The following MIER3 variants were observed in gnomAD, a reference collection of about 807,000 sequenced individuals.
The protein encoded by MIER3 is MIER family member 3.
MIER3 carries 9 observed loss-of-function variants against 63.2 expected under a neutral mutation model. That is an observed-to-expected ratio of 0.14 (90% CI 0.09 to 0.25). The LOEUF (loss-of-function observed/expected upper bound fraction) is 0.25. Ranked by LOEUF, MIER3 falls within the 10% of genes least tolerant of loss-of-function variation. MIER3 has a pLI of 1.00. For missense variants in MIER3, 512 were observed against 666.2 expected, an observed-to-expected ratio of 0.77 and a Z score of 2.55; for synonymous variants, 205 against 224.9, an observed-to-expected ratio of 0.91 and a Z score of 0.79.
At chr5:56,924,728 T>C (rs1308652140) in intron 10 of MIER3, among the ~76,000 whole-genome samples, 1 of 152,168 alleles carries the variant, frequency 6.6e-6, no homozygotes, top group African/African-American at 2.4e-5. Flanking sequence ...AGGGTTCCTC[T>C]AACCACATAC....
At chr5:56,950,540 C>A (rs944721151) in intron 2 of MIER3, 88 bp downstream of exon 2, 1 of 1,365,254 alleles carries the variant, frequency 7.3e-7, no homozygotes, top group Non-Finnish European at 1.0e-6. Flanking sequence ...CTGCAGGATA[C>A]ATTTCTATTG....
At chr5:56,951,505 G>A (rs533220912) in intron 1 of MIER3, among the ~76,000 whole-genome samples, 111 of 152,268 alleles carry the variant, frequency 7.3e-4, no homozygotes, top group African/African-American at 2.3e-3. Flanking sequence ...CGCACCTCCC[G>A]GGCTGCGGGG....
At chr5:56,926,733 G>T (rs1266172256) in intron 10 of MIER3, among the ~76,000 whole-genome samples, 1 of 152,062 alleles carries the variant, frequency 6.6e-6, no homozygotes, top group Non-Finnish European at 1.5e-5. Context: ...TTGGACAAAT[G>T]AATTGAAAAC....
chr5:56,938,846 C>T (rs1750541839), intron 4 of MIER3, 37 bp downstream of exon 4: 1 of 1,601,410 alleles, frequency 6.2e-7, no homozygotes, highest in Non-Finnish European at 8.5e-7. Context: ...TCAATGGTAA[C>T]AGACCCTGAA....
intron 12 of MIER3, 43 bp from the exon 13 acceptor site, chr5:56,923,628 C>T (rs747700102): frequency 6.8e-6 from 11 of 1,612,720 alleles, no homozygotes; most frequent in Middle Eastern, 3.3e-4. Context: ...GGTCCTATGA[C>T]ATCAAACAGA....
chr5:56,926,931 CA>C (rs1014295300), intron 10 of MIER3, among the ~76,000 whole-genome samples: 13 of 151,918 alleles, frequency 8.6e-5, no homozygotes, highest in African/African-American at 3.1e-4. Context: ...CACAAACAAA[CA>C]AAAAACCCCA....
chr5:56,922,642 C>T lies in MIER3; in HGVS notation c.*486G>A, dbSNP rs1369904295. ...AGAAAATAAAACCAAAAAAATGCTA[C>T]ATTGAGCAGGGATCGGGATCGGTAC... On this transcript the variant is annotated 3_prime_UTR_variant, in exon 13 of 13. Coordinates refer to ENST00000381199, the MANE Select transcript of MIER3 (RefSeq NM_001297599.2). 6.5e-6 allele frequency: 1 copy of T among 154,942 alleles called. No homozygotes were observed. Among genetic ancestry groups the T allele is most frequent in the Non-Finnish European group, 1.4e-5 (1 of 69,574 alleles). The allele number at this position is 154,942 out of a possible 1,614,324, so 9.6% of individuals were successfully genotyped here.
intron 10 of MIER3, 44 bp from the exon 11 acceptor site, chr5:56,924,086 AT>A: frequency 6.3e-7 from 1 of 1,584,880 alleles, no homozygotes; most frequent in South Asian, 1.2e-5. Context: ...AAACTCAACC[AT>A]TTTTTTAAGC....
At chr5:56,928,742 A>G (rs369897045) in intron 10 of MIER3, 25 bp downstream of exon 10, 1 of 1,506,998 alleles carries the variant, frequency 6.6e-7, no homozygotes, top group Non-Finnish European at 9.1e-7. Flanking sequence ...CTAGTAATTT[A>G]TCTGTACTAA....
Position 56,935,538 on chromosome 5 carries a change from A to C in MIER3, c.523-38T>G, listed in dbSNP as rs778219147. On this transcript the variant is annotated intron_variant, in intron 6 of 12. Transcript: ENST00000381199. ...TGAGAGGTAAAAATAACTTATTAAA[A>C]AAAAAATACTGAAAAAAAGCCCCAT... 37 of 1,539,622 alleles carry C rather than the reference A, an allele frequency of 2.4e-5. No homozygotes were observed. The African/African-American group carries it at 4.7e-4, about 20-fold the overall frequency.
At chr5:56,938,805 T>G in intron 4 of MIER3, 78 bp downstream of exon 4, 1 of 1,512,988 alleles carries the variant, frequency 6.6e-7, no homozygotes, top group Non-Finnish European at 8.9e-7. Context: ...TAAGAATTAT[T>G]AAATAATACT....
Position 56,935,585 on chromosome 5 carries a change from G to C in MIER3, c.522+81C>G, listed in dbSNP as rs973114225. On this transcript the variant is annotated intron_variant, in intron 6 of 12. Transcript: ENST00000381199. ...CCATATCATTAATCAGTTTCTACAA[G>C]TCAAAACAACAAAATTATCATAAAT... is the stretch of plus-strand genomic sequence containing the variant. 4.6e-6 allele frequency: 7 copies of C among 1,517,618 alleles called. No homozygotes were observed. The Admixed American group carries it at 1.4e-4, about 30-fold the overall frequency. The allele number at this position is 1,517,618 out of a possible 1,614,324, so 94.0% of individuals were successfully genotyped here. A position where few individuals can be genotyped will look rare whatever the true frequency, so the allele number is the denominator to read the frequency against.
At position 56,920,794 on chromosome 5, in the gene MIER3, TATG is replaced by T. The variant is rs1170760826; in HGVS notation, c.*2331_*2333del. The T allele has an allele frequency of 6.6e-6, 1 of 152,412 alleles. No individual in the cohort carries two copies. The highest frequency in any genetic ancestry group is 1.5e-5 in the Non-Finnish European group (1 of 67,964). The allele number at this position is 152,412 out of a possible 1,614,324, so 9.4% of individuals were successfully genotyped here. A position where few individuals can be genotyped will look rare whatever the true frequency, so the allele number is the denominator to read the frequency against. On this transcript the variant is annotated 3_prime_UTR_variant, in exon 13 of 13. Transcript: ENST00000381199. ...AAATATTGAATTAGATCTAAAAAGA[TATG>T]AAGAATTTACACTTATATACAAAAA...
chr5:56,928,965 TCTCTCA>T (rs1750139643), intron 9 of MIER3, 104 bp from the exon 10 acceptor site: 26 of 430,320 alleles, frequency 6.0e-5, no homozygotes, highest in East Asian at 1.2e-4. Context: ...ACTCTCTCTC[TCTCTCA>T]CACACACACA....
At chr5:56,933,075 G>T (rs537314320) in intron 8 of MIER3, among the ~76,000 whole-genome samples, 172 bp downstream of exon 8, 1 of 152,294 alleles carries the variant, frequency 6.6e-6, no homozygotes, top group African/African-American at 2.4e-5. Context: ...AAACTACAGT[G>T]AAGTTATCTC....
In MIER3 at chr5:56,920,797, G is replaced by A. The variant is rs1018402012; in HGVS notation, c.*2331C>T. ...TATTGAATTAGATCTAAAAAGATAT[G>A]AAGAATTTACACTTATATACAAAAA... On this transcript the variant is annotated 3_prime_UTR_variant, in exon 13 of 13. Coordinates refer to ENST00000381199, the MANE Select transcript of MIER3 (RefSeq NM_001297599.2). The A allele has an allele frequency of 6.6e-6, 1 of 152,358 alleles. No homozygotes were observed. The highest frequency in any genetic ancestry group is 2.4e-5 in the African/African-American group (1 of 41,448). 9.4% of individuals were successfully genotyped at this position (152,358 alleles called of 1,614,324 possible). A position where few individuals can be genotyped will look rare whatever the true frequency, so the allele number is the denominator to read the frequency against.
Position 56,921,209 on chromosome 5 carries a change from G to C in MIER3, c.*1919C>G, listed in dbSNP as rs1375298333. The C allele has an allele frequency of 6.6e-6, 1 of 152,498 alleles. No individual in the cohort carries two copies. The highest frequency in any genetic ancestry group is 1.5e-5 in the Non-Finnish European group (1 of 67,964). The allele number at this position is 152,498 out of a possible 1,614,324, so 9.4% of individuals were successfully genotyped here. A position where few individuals can be genotyped will look rare whatever the true frequency, so the allele number is the denominator to read the frequency against. On this transcript the variant is annotated 3_prime_UTR_variant, in exon 13 of 13. Coordinates refer to ENST00000381199, the MANE Select transcript of MIER3 (RefSeq NM_001297599.2). ...ATACAGACCAGCCACTGTAAACCCA[G>C]AGTGAAAATTAAGGTTATAACAATG...
At chr5:56,946,069 T>C (rs1023045264) in intron 3 of MIER3, among the ~76,000 whole-genome samples, 2 of 152,270 alleles carry the variant, frequency 1.3e-5, no homozygotes, top group Admixed American at 1.3e-4. Context: ...CACTCTTCTG[T>C]TTCCCTGTGT....
chr5:56,927,823 A>G (rs1037402232), intron 10 of MIER3: 1 of 152,196 alleles, frequency 6.6e-6, no homozygotes, highest in Non-Finnish European at 1.5e-5. Flanking sequence ...CAGTATCATC[A>G]TACAGGGTAG....
Sources: gnomAD v4.1 joint callset for allele counts (sites outside exome capture counted in the v4.1 genomes callset) on GRCh38, gnomAD v4.1.1 for gene constraint, MANE v1.5 for transcripts, NCBI Gene and HGNC (gene_info 2026-07-23, HGNC 2026-07-21) for gene names.